The following SH3BP5 variants were observed in gnomAD, a reference collection of about 807,000 sequenced individuals.
SH3BP5 encodes SH3 domain binding protein 5.
Under a neutral mutation model 43.3 loss-of-function variants are expected in SH3BP5, and 22 were observed. That is an observed-to-expected ratio of 0.51 (90% CI 0.36 to 0.73). The LOEUF (loss-of-function observed/expected upper bound fraction) is 0.73. Ranked by LOEUF, SH3BP5 falls within the 30% of genes least tolerant of loss-of-function variation. The pLI is 0.00. For synonymous variants in SH3BP5, 255 were observed against 225.8 expected (o/e 1.13, Z -1.16); for missense variants, 529 against 586.9 (o/e 0.90, Z 1.02).
intron 2 of SH3BP5, among the ~76,000 whole-genome samples, chr3:15,324,174 G>C (rs1312614586): frequency 6.6e-6 from 1 of 152,170 alleles, no homozygotes; most frequent in East Asian, 1.9e-4. Context: ...GACAATGTCT[G>C]TACCGTCAGC....
In SH3BP5 at chr3:15,255,944, G is replaced by A. The variant is rs1696178350; in HGVS notation, c.*142C>T. 4.1e-6 allele frequency: 3 copies of A among 738,020 alleles called. No individual in the cohort carries two copies. Among genetic ancestry groups the A allele is most frequent in the Middle Eastern group, 3.5e-4 (1 of 2,898 alleles). 45.7% of individuals were successfully genotyped at this position (738,020 alleles called of 1,614,324 possible). ...CTCTTACCCAGAAGAACAATCTTTA[G>A]CCCTCAAGGTCACTGAAACTTCATT... On this transcript the variant is annotated 3_prime_UTR_variant, in exon 9 of 9. Coordinates refer to ENST00000383791, the MANE Select transcript of SH3BP5 (RefSeq NM_004844.5).
chr3:15,286,491 G>T (rs776375048), intron 3 of SH3BP5, among the ~76,000 whole-genome samples: 2 of 152,196 alleles, frequency 1.3e-5, no homozygotes, highest in Admixed American at 1.3e-4. Context: ...AATGTCTCAG[G>T]GTTGAAATGA....
chr3:15,301,340 T>C (rs1348932501), intron 3 of SH3BP5, among the ~76,000 whole-genome samples: 1 of 152,148 alleles, frequency 6.6e-6, no homozygotes, highest in African/African-American at 2.4e-5. Context: ...TCTGGTCTGT[T>C]GGTGGCTCCC....
intron 3 of SH3BP5, among the ~76,000 whole-genome samples, chr3:15,294,969 A>T (rs879579636): frequency 1.3e-5 from 2 of 151,830 alleles, no homozygotes; most frequent in African/African-American, 2.4e-5. Context: ...CTCCCCTCAG[A>T]TCTCTGCTCT....
intron 2 of SH3BP5, among the ~76,000 whole-genome samples, chr3:15,325,980 C>A (rs976867790): frequency 6.6e-6 from 1 of 152,192 alleles, no homozygotes; most frequent in Admixed American, 6.5e-5. Flanking sequence ...GATTGTGACA[C>A]TGCACTCCAG....
At chr3:15,334,673 G>T (rs575523689), upstream of SH3BP5, among the ~76,000 whole-genome samples, 1 of 152,204 alleles carries the variant, frequency 6.6e-6, no homozygotes, top group Non-Finnish European at 1.5e-5. Flanking sequence ...AGGAGGGGCT[G>T]CTCATGGTGG....
intron 5 of SH3BP5, among the ~76,000 whole-genome samples, 185 bp downstream of exon 5, chr3:15,261,974 C>G (rs1319656175): frequency 6.6e-6 from 1 of 152,198 alleles, no homozygotes; most frequent in East Asian, 1.9e-4. Context: ...TTAGCATCCT[C>G]TGCTTCTGGG....
At position 15,328,448 on chromosome 3, in the gene SH3BP5, G is replaced by C. The variant is rs191318497; in HGVS notation, c.201+2056C>G. 2.2e-4 allele frequency among the ~76,000 whole-genome samples: 33 copies of C among 151,932 alleles called. 1 individual carries two copies. Among genetic ancestry groups the C allele is most frequent in the African/African-American group, 7.7e-4 (32 of 41,476 alleles). The stretch of plus-strand genomic sequence containing the variant: ...AAAAAAAAAAAAAGACTATTTCCAG[G>C]ATGGGTATGGCAACTCATGCCTGTG... On this transcript the variant is annotated intron_variant, in intron 2 of 8. Coordinates refer to ENST00000383791, the MANE Select transcript of SH3BP5 (RefSeq NM_004844.5).
intron 2 of SH3BP5, among the ~76,000 whole-genome samples, chr3:15,321,189 C>T (rs994655929): frequency 6.6e-6 from 1 of 152,184 alleles, no homozygotes. Flanking sequence ...CAGTCAAATA[C>T]ACAGAGTAAC....
Position 15,254,765 on chromosome 3 carries a change from C to G in SH3BP5, c.*1321G>C, listed in dbSNP as rs1303908017. 1 of 152,202 alleles carries G rather than the reference C, an allele frequency of 6.6e-6. No homozygotes were observed. The highest frequency in any genetic ancestry group is 2.4e-5 in the African/African-American group (1 of 41,452). The allele number at this position is 152,202 out of a possible 1,614,324, so 9.4% of individuals were successfully genotyped here. ...AAAATGATTACTGGTGACCACAGCA[C>G]TCCATGCTCTTCCTTATGGAAAAAG... On this transcript the variant is annotated 3_prime_UTR_variant, in exon 9 of 9. Coordinates refer to ENST00000383791, the MANE Select transcript of SH3BP5 (RefSeq NM_004844.5).
upstream of SH3BP5, chr3:15,333,086 A>C: frequency 1.0e-6 from 1 of 985,486 alleles, no homozygotes; most frequent in Non-Finnish European, 1.2e-6. Flanking sequence ...CGGCGGTCCT[A>C]CCTGAATAGC....
chr3:15,271,357 T>C (rs2125066029), intron 3 of SH3BP5, among the ~76,000 whole-genome samples: 1 of 152,266 alleles, frequency 6.6e-6, no homozygotes, highest in South Asian at 2.1e-4. Flanking sequence ...AATGAGCCCC[T>C]GCTTCTTAAA....
At position 15,273,900 on chromosome 3, in the gene SH3BP5, A is replaced by G. The variant is rs1478494464; in HGVS notation, c.331-4023T>C. ...TAATCCCTAATGTGATTATATTAGG[A>G]AGTGGGGCCTTTGGGAGCCATATTA... On this transcript the variant is annotated intron_variant, in intron 3 of 8. Transcript: ENST00000383791. Among the ~76,000 whole-genome samples the G allele has an allele frequency of 2.0e-5, 3 of 152,156 alleles. No homozygotes were observed. In the East Asian group the frequency reaches 5.8e-4, roughly 29 times the overall value.
chr3:15,293,391 G>A (rs903232428), intron 3 of SH3BP5, among the ~76,000 whole-genome samples: 2 of 152,240 alleles, frequency 1.3e-5, no homozygotes, highest in Admixed American at 6.5e-5. Context: ...ATAAAGTGAC[G>A]GGGAAGAAGG....
At position 15,256,346 on chromosome 3, in the gene SH3BP5, C is replaced by G. The variant is rs115247149; in HGVS notation, c.1151-43G>C. On this transcript the variant is annotated intron_variant, in intron 8 of 8. Transcript: ENST00000383791. ...TTATCAAAAGTGAGTATTGACAATT[C>G]TGCCCTGTCTCCTATAGAAATACAA... The G allele has an allele frequency of 4.5e-4, 700 of 1,570,422 alleles. 4 individuals carry two copies. The African/African-American group carries it at 7.6e-3, about 17-fold the overall frequency.
At chr3:15,306,464 C>T (rs1290855367) in intron 2 of SH3BP5, among the ~76,000 whole-genome samples, 1 of 152,180 alleles carries the variant, frequency 6.6e-6, no homozygotes, top group Non-Finnish European at 1.5e-5. Flanking sequence ...GCCAAGATCA[C>T]ACCACTGCAC....
At chr3:15,340,693 G>A (rs532880414) in intron 1 of SH3BP5, among the ~76,000 whole-genome samples, 24 of 152,030 alleles carry the variant, frequency 1.6e-4, no homozygotes, top group Admixed American at 2.6e-4. Context: ...GGAGGTTGCA[G>A]TAAGCCAAGA....
intron 2 of SH3BP5, among the ~76,000 whole-genome samples, chr3:15,326,054 T>C (rs926068067): frequency 6.6e-6 from 1 of 152,162 alleles, no homozygotes; most frequent in Admixed American, 6.6e-5. Flanking sequence ...AATGGATCTG[T>C]GGGAAAATGC....
chr3:15,262,701 T>C (rs1441118707), intron 4 of SH3BP5, among the ~76,000 whole-genome samples: 1 of 151,792 alleles, frequency 6.6e-6, no homozygotes, highest in Non-Finnish European at 1.5e-5. Flanking sequence ...CTCACACCTG[T>C]AATCACAGTC....
Sources: gnomAD v4.1 joint callset for allele counts (sites outside exome capture counted in the v4.1 genomes callset) on GRCh38, gnomAD v4.1.1 for gene constraint, MANE v1.5 for transcripts, NCBI Gene and HGNC (gene_info 2026-07-23, HGNC 2026-07-21) for gene names.